PDE7B: variants seen among roughly 807,000 people sequenced by gnomAD.
The protein encoded by PDE7B is 3',5'-cyclic-AMP phosphodiesterase 7B.
Under a neutral mutation model 56.2 loss-of-function variants are expected in PDE7B, and 29 were observed. The observed-to-expected ratio is 0.52, with a 90% CI of 0.38 to 0.70. The LOEUF (loss-of-function observed/expected upper bound fraction) is 0.70. PDE7B is among the 30% of genes least tolerant of loss of function. PDE7B has a pLI of 0.00. For synonymous variants in PDE7B, 197 were observed against 196.9 expected, an observed-to-expected ratio of 1.00 and a Z score of 0.00; for missense variants, 490 against 565.0, an observed-to-expected ratio of 0.87 and a Z score of 1.35.
intron 2 of PDE7B, among the ~76,000 whole-genome samples, chr6:135,990,569 C>T (rs867383687): frequency 1.3e-5 from 2 of 152,194 alleles, no homozygotes; most frequent in South Asian, 2.1e-4. Context: ...CAGCATCCTG[C>T]TAGCCAGGAG....
At chr6:136,171,373 C>T (rs1354600722) in intron 8 of PDE7B, among the ~76,000 whole-genome samples, 2 of 152,116 alleles carry the variant, frequency 1.3e-5, no homozygotes, top group African/African-American at 4.8e-5. Context: ...GTTCTCAAAC[C>T]TTAGTGTACA....
chr6:136,003,035 G>A (rs1775704000), intron 2 of PDE7B, among the ~76,000 whole-genome samples: 2 of 151,836 alleles, frequency 1.3e-5, no homozygotes, highest in East Asian at 1.9e-4. Flanking sequence ...CTAGAACTCA[G>A]GATTAAGAAA....
chr6:135,972,203 C>T (rs1032849363), intron 2 of PDE7B, among the ~76,000 whole-genome samples: 1 of 129,860 alleles, frequency 7.7e-6, no homozygotes, highest in African/African-American at 3.3e-5. Flanking sequence ...CATTACACTC[C>T]AGCCTGGGCA....
At chr6:136,152,840 T>TG (rs1778542994) in intron 6 of PDE7B, among the ~76,000 whole-genome samples, 1 of 152,210 alleles carries the variant, frequency 6.6e-6, no homozygotes, top group Non-Finnish European at 1.5e-5. Flanking sequence ...TGCTTACATC[T>TG]GCTGGAAGCT....
chr6:135,906,822 T>TTGTTTTTTTTGTTTTTTTTG (rs1776119655), intron 1 of PDE7B, among the ~76,000 whole-genome samples: 1 of 145,714 alleles, frequency 6.9e-6, no homozygotes, highest in African/African-American at 2.6e-5. Flanking sequence ...TTTTTTTTTT[T>TTGTTTTTTTTGTTTTTTTTG]TTTTTTTTTT....
At chr6:136,124,071 G>C (rs1777981560) in intron 3 of PDE7B, among the ~76,000 whole-genome samples, 1 of 152,014 alleles carries the variant, frequency 6.6e-6, no homozygotes, top group Non-Finnish European at 1.5e-5. Flanking sequence ...TTTGTTATGA[G>C]TTTTTAAGTG....
At chr6:136,145,996 C>T (rs2170231) in intron 3 of PDE7B, among the ~76,000 whole-genome samples, 68,082 of 152,010 alleles carry the variant, frequency 0.45, 15,755 homozygotes, top group African/African-American at 0.58. Flanking sequence ...ATGTGTAAAA[C>T]TGAACCACTC....
intron 8 of PDE7B, among the ~76,000 whole-genome samples, chr6:136,169,898 A>G (rs1445573777): frequency 6.6e-6 from 1 of 152,184 alleles, no homozygotes; most frequent in Admixed American, 6.5e-5. Flanking sequence ...TCAAGTGGTA[A>G]ATAAAGAATA....
At chr6:135,986,672 C>G (rs561339273) in intron 2 of PDE7B, among the ~76,000 whole-genome samples, 2 of 152,320 alleles carry the variant, frequency 1.3e-5, no homozygotes, top group East Asian at 3.9e-4. Context: ...GAAACAGTCA[C>G]AATTCTTCAT....
chr6:135,947,490 C>T lies in PDE7B; in HGVS notation c.48C>T (p.Asn16=), dbSNP rs745477712. ...GGTGTGGCGAAATCTTGTTTGAGAA[C>T]CCCGATCAGAATGCCAAATGTGTTT... ...VERCGEILFE[N]PDQNAKCVCM... The change falls in exon 2 of 13, where the codon AAC becomes AAT. Residue 16 remains asparagine, a synonymous_variant. Transcript: ENST00000308191. The T allele has an allele frequency of 5.0e-6, 8 of 1,612,460 alleles. No individual in the cohort carries two copies. Among genetic ancestry groups the T allele is most frequent in the Non-Finnish European group, 5.9e-6 (7 of 1,178,680 alleles).
chr6:136,051,960 G>A (rs1776637650), intron 2 of PDE7B, among the ~76,000 whole-genome samples: 1 of 151,704 alleles, frequency 6.6e-6, no homozygotes, highest in Non-Finnish European at 1.5e-5. Flanking sequence ...ATAATAAGCA[G>A]AGGCACATGT....
At chr6:136,118,961 A>G (rs1293452542) in intron 3 of PDE7B, among the ~76,000 whole-genome samples, 1 of 152,230 alleles carries the variant, frequency 6.6e-6, no homozygotes, top group African/African-American at 2.4e-5. Context: ...ACGCCAAATG[A>G]CAGACTGCAC....
chr6:136,143,958 G>A (rs564735512), intron 3 of PDE7B, among the ~76,000 whole-genome samples: 2 of 151,740 alleles, frequency 1.3e-5, no homozygotes, highest in African/African-American at 4.8e-5. Flanking sequence ...ATAAATATAG[G>A]TATACTCTCA....
In PDE7B at chr6:136,031,908, T is replaced by A. The variant is rs570749396; in HGVS notation, c.83-76823T>A. On this transcript the variant is annotated intron_variant, in intron 2 of 12. Transcript: ENST00000308191. ...AGGCATTTTCCAGCAGTTTTTTGAG[T>A]ATGTCTGGATAATCTCTCCTCCACT... Among the ~76,000 whole-genome samples the A allele has an allele frequency of 9.9e-5, 15 of 152,272 alleles. No homozygotes were observed. The South Asian group carries it at 3.1e-3, about 32-fold the overall frequency.
intron 2 of PDE7B, among the ~76,000 whole-genome samples, chr6:135,997,411 CT>C (rs1380298478): frequency 3.9e-5 from 1 of 25,560 alleles, no homozygotes; most frequent in Non-Finnish European, 6.8e-5. Context: ...GAGACCCTGT[CT>C]CAAAAAAAAA....
intron 2 of PDE7B, 152 bp downstream of exon 2, chr6:135,947,676 G>A: frequency 1.6e-6 from 1 of 615,222 alleles, no homozygotes; most frequent in Non-Finnish European, 2.9e-6. Context: ...ATTTATATGT[G>A]TAACACTTGA....
At chr6:135,882,946 A>G (rs1775636283) in intron 1 of PDE7B, among the ~76,000 whole-genome samples, 2 of 152,200 alleles carry the variant, frequency 1.3e-5, no homozygotes, top group Non-Finnish European at 1.5e-5. Flanking sequence ...AAAGAGAACA[A>G]ATATAATCTC....
chr6:136,070,417 A>G (rs963861378), intron 2 of PDE7B: 1 of 152,118 alleles, frequency 6.6e-6, no homozygotes. Flanking sequence ...ATACCCATCC[A>G]ATTTGCTTTC....
intron 2 of PDE7B, chr6:136,098,132 CTG>C (rs1777498566): frequency 2.9e-5 from 1 of 33,996 alleles, no homozygotes; most frequent in East Asian, 1.1e-3. Context: ...TCTTTAGTTC[CTG>C]GGGGGGGGGG....
Sources: allele counts gnomAD v4.1 joint callset (sites outside exome capture counted in the v4.1 genomes callset), GRCh38; gene constraint gnomAD v4.1.1; transcripts MANE v1.5; gene names NCBI Gene and HGNC (gene_info 2026-07-23, HGNC 2026-07-21).